The following DACH1 variants were observed in gnomAD, a reference collection of about 807,000 sequenced individuals.
DACH1 encodes dachshund family transcription factor 1.
A neutral mutation model predicts 54.2 loss-of-function variants in DACH1; 12 were observed. That is an observed-to-expected ratio of 0.22 (90% CI 0.14 to 0.36). The LOEUF is 0.36. Ranked by LOEUF, DACH1 falls within the 10% of genes least tolerant of loss-of-function variation. The pLI is 1.00. For missense variants in DACH1, 805 were observed against 929.8 expected (o/e 0.87, Z 1.75); for synonymous variants, 386 against 366.2 (o/e 1.05, Z -0.62).
chr13:71,644,069 C>T (rs558769281), intron 2 of DACH1, among the ~76,000 whole-genome samples: 1 of 152,218 alleles, frequency 6.6e-6, no homozygotes, highest in Admixed American at 6.5e-5. Context: ...GTTTTCTTCC[C>T]GAAAAGACTA....
chr13:71,578,450 T>C (rs577781511), intron 3 of DACH1, among the ~76,000 whole-genome samples: 1 of 152,318 alleles, frequency 6.6e-6, no homozygotes, highest in South Asian at 2.1e-4. Context: ...CAAGTTATTA[T>C]CTTTTAGTGG....
chr13:71,619,806 G>T (rs1048676292), intron 3 of DACH1, among the ~76,000 whole-genome samples: 1 of 151,786 alleles, frequency 6.6e-6, no homozygotes, highest in African/African-American at 2.4e-5. Flanking sequence ...ATCAAGTAAG[G>T]ATTCTAAACA....
At chr13:71,612,153 T>C (rs1875379619) in intron 3 of DACH1, among the ~76,000 whole-genome samples, 2 of 152,110 alleles carry the variant, frequency 1.3e-5, no homozygotes, top group African/African-American at 4.8e-5. Context: ...ACATTCTCCA[T>C]AGTGTTATGA....
chr13:71,563,261 A>C (rs1443518848), intron 4 of DACH1, among the ~76,000 whole-genome samples: 2 of 152,014 alleles, frequency 1.3e-5, no homozygotes, highest in African/African-American at 4.8e-5. Flanking sequence ...ATAAATTTTA[A>C]CATTTTTCTT....
At chr13:71,720,615 A>T (rs571079032) in intron 1 of DACH1, among the ~76,000 whole-genome samples, 2 of 152,318 alleles carry the variant, frequency 1.3e-5, no homozygotes, top group East Asian at 3.9e-4. Context: ...CGGTATTTTA[A>T]TGAAATATGA....
chr13:71,838,313 T>C (rs1436593605), intron 1 of DACH1, among the ~76,000 whole-genome samples: 1 of 152,112 alleles, frequency 6.6e-6, no homozygotes, highest in Admixed American at 6.6e-5. Flanking sequence ...GGAGAAGTTT[T>C]AGCAAAAAGG....
intron 1 of DACH1, among the ~76,000 whole-genome samples, chr13:71,737,625 G>A (rs1256277651): frequency 6.6e-6 from 1 of 152,138 alleles, no homozygotes; most frequent in Non-Finnish European, 1.5e-5. Context: ...GGTTTTTGGA[G>A]GAGAGGGTTC....
chr13:71,642,819 G>T (rs1010258901), intron 2 of DACH1, among the ~76,000 whole-genome samples: 22 of 151,904 alleles, frequency 1.4e-4, no homozygotes, highest in Non-Finnish European at 1.5e-5. Context: ...TCAGGAGTTC[G>T]AGACCAGCCT....
intron 1 of DACH1, among the ~76,000 whole-genome samples, chr13:71,803,440 A>C (rs752753090): frequency 1.2e-4 from 18 of 152,150 alleles, no homozygotes; most frequent in Non-Finnish European, 2.1e-4. Flanking sequence ...ATATTTACAA[A>C]TTTTAAACCG....
At chr13:71,620,070 C>T (rs919836165) in intron 3 of DACH1, among the ~76,000 whole-genome samples, 1 of 151,864 alleles carries the variant, frequency 6.6e-6, no homozygotes, top group African/African-American at 2.4e-5. Context: ...CTAATTTGAC[C>T]ACCTTGATAA....
chr13:71,858,550 T>C (rs1057097768), intron 1 of DACH1, among the ~76,000 whole-genome samples: 2 of 151,732 alleles, frequency 1.3e-5, no homozygotes, highest in Non-Finnish European at 1.5e-5. Context: ...GATCTACTTA[T>C]AGTCAAATCA....
chr13:71,796,141 G>T (rs141121848), intron 1 of DACH1, among the ~76,000 whole-genome samples: 3 of 151,972 alleles, frequency 2.0e-5, no homozygotes, highest in Non-Finnish European at 4.4e-5. Context: ...TACTAATTCT[G>T]CAAGTGACTT....
intron 10 of DACH1, among the ~76,000 whole-genome samples, chr13:71,463,791 C>A (rs1218167657): frequency 2.6e-5 from 4 of 151,970 alleles, no homozygotes; most frequent in Non-Finnish European, 5.9e-5. Flanking sequence ...TAAGAGATCA[C>A]CAATATCCTT....
chr13:71,521,830 C>T (rs1205075756), intron 6 of DACH1, among the ~76,000 whole-genome samples: 1 of 152,096 alleles, frequency 6.6e-6, no homozygotes. Flanking sequence ...GTAACTGTAC[C>T]TTTATCTACT....
intron 8 of DACH1, among the ~76,000 whole-genome samples, chr13:71,476,743 A>G (rs1877555612): frequency 6.6e-6 from 1 of 152,162 alleles, no homozygotes. Flanking sequence ...TACAAAATGT[A>G]TATCAACTAT....
intron 2 of DACH1, among the ~76,000 whole-genome samples, chr13:71,673,316 A>G (rs995681747): frequency 6.6e-6 from 1 of 152,210 alleles, no homozygotes; most frequent in African/African-American, 2.4e-5. Flanking sequence ...GTGATTTAAC[A>G]GAAGTACTCT....
At chr13:71,656,627 A>C (rs190074810) in intron 2 of DACH1, among the ~76,000 whole-genome samples, 2 of 151,984 alleles carry the variant, frequency 1.3e-5, no homozygotes, top group East Asian at 3.9e-4. Flanking sequence ...TATTTTTGTT[A>C]AATTATGTTA....
intron 10 of DACH1, among the ~76,000 whole-genome samples, chr13:71,462,133 T>C (rs1391534577): frequency 6.6e-6 from 1 of 151,906 alleles, no homozygotes; most frequent in African/African-American, 2.4e-5. Context: ...TAAGCTTAAG[T>C]GGAACTATGT....
chr13:71,754,783 C>CGT (rs1176612132), intron 1 of DACH1, among the ~76,000 whole-genome samples: 10 of 148,892 alleles, frequency 6.7e-5, no homozygotes, highest in Non-Finnish European at 5.9e-5. Flanking sequence ...CTCTGCAAAA[C>CGT]GTAAAAAACG....
Sources: allele counts gnomAD v4.1 joint callset (sites outside exome capture counted in the v4.1 genomes callset), GRCh38; gene constraint gnomAD v4.1.1; transcripts MANE v1.5; gene names NCBI Gene and HGNC (gene_info 2026-07-23, HGNC 2026-07-21).